NELL1: variants seen among roughly 807,000 people sequenced by gnomAD.
The protein encoded by NELL1 is neural EGFL like 1.
In NELL1, 76 loss-of-function variants were observed where a neutral mutation model predicts 107.4. The observed-to-expected ratio is 0.71, with a 90% CI of 0.59 to 0.86. NELL1 has a LOEUF of 0.86. Ranked by LOEUF, NELL1 falls within the 40% of genes least tolerant of loss-of-function variation. The probability of loss-of-function intolerance (pLI) is 0.00; values close to 1 mark genes in which losing one functional copy is unlikely to be tolerated. For missense variants in NELL1, 1,024 were observed against 1,005.5 expected, an observed-to-expected ratio of 1.02 and a Z score of -0.25; for synonymous variants, 353 against 341.2, an observed-to-expected ratio of 1.03 and a Z score of -0.38.
chr11:21,271,382 C>T (rs1334387636), intron 14 of NELL1, among the ~76,000 whole-genome samples: 2 of 152,094 alleles, frequency 1.3e-5, no homozygotes, highest in Admixed American at 1.3e-4. Context: ...AATTTGATAA[C>T]CTATGTAAAA....
chr11:21,013,310 C>G (rs1044397201), intron 12 of NELL1, among the ~76,000 whole-genome samples: 3 of 152,126 alleles, frequency 2.0e-5, no homozygotes, highest in Non-Finnish European at 4.4e-5. Context: ...TTGGAATGGA[C>G]ACTTGAGTCA....
At chr11:20,890,415 GA>G (rs1236726813) in intron 5 of NELL1, among the ~76,000 whole-genome samples, 33 of 152,186 alleles carry the variant, frequency 2.2e-4, no homozygotes, top group African/African-American at 6.7e-4. Context: ...AAGAATCAAT[GA>G]AAAAATTCTG....
chr11:21,344,599 TGGGATAGATG>T (rs1850645711), intron 14 of NELL1, among the ~76,000 whole-genome samples: 1 of 152,172 alleles, frequency 6.6e-6, no homozygotes, highest in African/African-American at 2.4e-5. Flanking sequence ...ATTGTAAGTC[TGGGATAGATG>T]GTATAAAGAG....
chr11:21,567,258 A>AG (rs1444326679), intron 17 of NELL1, among the ~76,000 whole-genome samples: 1 of 151,810 alleles, frequency 6.6e-6, no homozygotes, highest in African/African-American at 2.4e-5. Flanking sequence ...GTAAGTCTTC[A>AG]GGGAGTCATT....
At chr11:21,472,888 A>G (rs1854220032) in intron 15 of NELL1, among the ~76,000 whole-genome samples, 1 of 150,802 alleles carries the variant, frequency 6.6e-6, no homozygotes, top group South Asian at 2.1e-4. Flanking sequence ...TAAGCCATCT[A>G]TGTGATTATC....
intron 14 of NELL1, among the ~76,000 whole-genome samples, chr11:21,287,729 T>C (rs1453143250): frequency 1.3e-5 from 2 of 152,138 alleles, no homozygotes; most frequent in African/African-American, 4.8e-5. Context: ...GGGAGTCTTA[T>C]CTTTTTACCC....
At chr11:20,843,819 T>A (rs1334352145) in intron 3 of NELL1, among the ~76,000 whole-genome samples, 1 of 152,050 alleles carries the variant, frequency 6.6e-6, no homozygotes, top group Non-Finnish European at 1.5e-5. Context: ...CCAGATCTAC[T>A]AAGGAATTCA....
intron 15 of NELL1, among the ~76,000 whole-genome samples, chr11:21,490,519 T>G (rs1338067354): frequency 7.0e-6 from 1 of 143,244 alleles, no homozygotes. Flanking sequence ...AGAACAAAGC[T>G]AGAAGCATCA....
At chr11:21,442,789 C>G (rs1246925500) in intron 15 of NELL1, among the ~76,000 whole-genome samples, 2 of 151,910 alleles carry the variant, frequency 1.3e-5, no homozygotes, top group Non-Finnish European at 2.9e-5. Context: ...TAATACAGCA[C>G]CATTTTGGAG....
intron 4 of NELL1, among the ~76,000 whole-genome samples, chr11:20,858,299 C>T (rs1263952993): frequency 6.6e-6 from 1 of 152,132 alleles, no homozygotes; most frequent in Non-Finnish European, 1.5e-5. Context: ...ATAGGTCTAG[C>T]CAGAGCACTG....
At chr11:21,048,627 AG>A (rs762595203) in intron 12 of NELL1, among the ~76,000 whole-genome samples, 2 of 152,176 alleles carry the variant, frequency 1.3e-5, no homozygotes, top group African/African-American at 2.4e-5. Flanking sequence ...TTGTAAACAA[AG>A]ATGATTCTTG....
intron 2 of NELL1, among the ~76,000 whole-genome samples, chr11:20,717,987 C>A (rs980972608): frequency 3.3e-5 from 5 of 152,110 alleles, no homozygotes; most frequent in African/African-American, 1.2e-4. Context: ...TTCACTTGTT[C>A]CTGCTAATCT....
intron 9 of NELL1, among the ~76,000 whole-genome samples, chr11:20,935,338 A>AT (rs1227349500): frequency 6.6e-6 from 1 of 152,018 alleles, no homozygotes; most frequent in Non-Finnish European, 1.5e-5. Flanking sequence ...GCGGAAGCTC[A>AT]TGGGTGTATA....
intron 15 of NELL1, among the ~76,000 whole-genome samples, chr11:21,495,741 G>A (rs1854960595): frequency 6.6e-6 from 1 of 151,842 alleles, no homozygotes; most frequent in Admixed American, 6.6e-5. Flanking sequence ...TTTTTGATTT[G>A]CATTTTCCTG....
At chr11:21,247,899 C>G (rs1448696805) in intron 14 of NELL1, among the ~76,000 whole-genome samples, 4 of 152,212 alleles carry the variant, frequency 2.6e-5, no homozygotes, top group Non-Finnish European at 5.9e-5. Flanking sequence ...TATAATTTTT[C>G]AGCTTCCTTA....
chr11:20,783,940 C>T, intron 3 of NELL1, 110 bp downstream of exon 3: 3 of 1,034,888 alleles, frequency 2.9e-6, no homozygotes, highest in Non-Finnish European at 4.0e-6. Flanking sequence ...CTAACTGAGG[C>T]CTCATTTCTG....
At chr11:21,258,253 G>C (rs989505283) in intron 14 of NELL1, among the ~76,000 whole-genome samples, 4 of 151,954 alleles carry the variant, frequency 2.6e-5, no homozygotes, top group African/African-American at 9.7e-5. Flanking sequence ...CAGAAGAAAA[G>C]CTGTTTCTTG....
chr11:21,529,768 G>A (rs915648076), intron 15 of NELL1, among the ~76,000 whole-genome samples: 1 of 151,990 alleles, frequency 6.6e-6, no homozygotes, highest in African/African-American at 2.4e-5. Context: ...TCTGTCTTCT[G>A]TTTTATAGCA....
intron 15 of NELL1, among the ~76,000 whole-genome samples, chr11:21,429,860 A>G (rs1275954335): frequency 1.3e-5 from 2 of 152,196 alleles, no homozygotes; most frequent in African/African-American, 2.4e-5. Flanking sequence ...TCAGAGGGAC[A>G]TCAGCTCTTT....
Sources: allele counts gnomAD v4.1 joint callset (sites outside exome capture counted in the v4.1 genomes callset), GRCh38; gene constraint gnomAD v4.1.1; transcripts MANE v1.5; gene names NCBI Gene and HGNC (gene_info 2026-07-23, HGNC 2026-07-21).